The following SPG7 variants were observed in gnomAD, a reference collection of about 807,000 sequenced individuals.
SPG7 encodes SPG7 matrix AAA peptidase subunit, paraplegin, also known as mitochondrial inner membrane m-AAA protease component paraplegin.
SPG7 carries 103 observed loss-of-function variants against 81.9 expected under a neutral mutation model. The ratio of observed to expected loss-of-function variants is 1.26; its 90% CI spans 1.07 to 1.48. The LOEUF (loss-of-function observed/expected upper bound fraction) is 1.48, where lower values mean the gene tolerates loss of function less well. SPG7 is among the 40% of genes most tolerant of loss of function. The pLI, the probability that SPG7 is intolerant of heterozygous loss-of-function variation, is 0.00. For missense variants in SPG7, 1,241 were observed against 1,087.3 expected (o/e 1.14, Z -1.99); for synonymous variants, 534 against 444.2 (o/e 1.20, Z -2.54).
chr16:89,553,217 G>C, intron 14 of SPG7, 82 bp downstream of exon 14: 1 of 1,306,818 alleles, frequency 7.7e-7, no homozygotes, highest in Non-Finnish European at 1.1e-6. Context: ...CATGCCATGG[G>C]GTGAATCTGG....
chr16:89,530,291 C>G, intron 6 of SPG7: 1 of 343,422 alleles, frequency 2.9e-6, no homozygotes, highest in Non-Finnish European at 5.7e-6. Flanking sequence ...ACTACAGGTG[C>G]CTGCCACCAC....
At chr16:89,509,331 A>G (rs544155304) in intron 1 of SPG7, among the ~76,000 whole-genome samples, 4 of 151,224 alleles carry the variant, frequency 2.6e-5, no homozygotes, top group African/African-American at 9.7e-5. Flanking sequence ...GCTCACTGCA[A>G]CCTCCGCCTC....
At chr16:89,549,246 G>C in intron 12 of SPG7, 1 of 457,050 alleles carries the variant, frequency 2.2e-6, no homozygotes. Flanking sequence ...TGACGTACTT[G>C]AGTGCTCAGG....
intron 4 of SPG7, among the ~76,000 whole-genome samples, chr16:89,524,573 A>G (rs1422244364): frequency 6.6e-6 from 1 of 152,142 alleles, no homozygotes; most frequent in African/African-American, 2.4e-5. Flanking sequence ...CCTCCCGGGT[A>G]GCTGGGATTA....
chr16:89,557,386 C>T lies in SPG7; in HGVS notation c.*293C>T. ...TTCCCAGGGTTATAGACAGTCGTTC[C>T]CAGTGTGGCTGAGGCCACCCAGAGG... On this transcript the variant is annotated 3_prime_UTR_variant, in exon 17 of 17. Transcript: ENST00000645818. 2.2e-6 allele frequency: 1 copy of T among 446,770 alleles called. No individual in the cohort carries two copies. The highest frequency in any genetic ancestry group is 4.1e-6 in the Non-Finnish European group (1 of 242,414). The allele number at this position is 446,770 out of a possible 1,614,324, so 27.7% of individuals were successfully genotyped here. A position where few individuals can be genotyped will look rare whatever the true frequency, so the allele number is the denominator to read the frequency against.
At chr16:89,508,929 A>G (rs756338448) in intron 1 of SPG7, 7 of 541,554 alleles carry the variant, frequency 1.3e-5, no homozygotes, top group South Asian at 1.1e-4. Flanking sequence ...GCGTAGCACT[A>G]ATTTACAGTC....
rs143254053 is a variant in SPG7 at position 89,536,823 on chromosome 16, C to T, written c.1324+4187C>T. 3.7e-4 allele frequency: 603 copies of T among 1,614,138 alleles called. 1 individual carries two copies. In the African/African-American group the frequency reaches 4.8e-3, roughly 13 times the overall value. On this transcript the variant is annotated intron_variant, in intron 9 of 16. Coordinates refer to ENST00000645818, the MANE Select transcript of SPG7 (RefSeq NM_003119.4). ...CCATGAGGAAGCTCAGAGGAAAGAC[C>T]CCCGCCTGCTCCTGTCTCACGGAGC...
intron 9 of SPG7, among the ~76,000 whole-genome samples, chr16:89,535,851 G>T (rs1443869326): frequency 1.3e-5 from 2 of 150,996 alleles, no homozygotes; most frequent in African/African-American, 4.9e-5. Flanking sequence ...CTTCAGTGTG[G>T]CCTCTCTGGT....
rs2152403520 is a variant in SPG7, at chr16:89,532,041, C to T, written c.1125C>T (p.Gly375=). Reference sequence around the variant, plus strand: ...AGGTGCCCTTCCTGGCGATGGCCGGCCCAGAGTTCGTGGAGGTCATTGGAG... The same window carrying T: ...AGGTGCCCTTCCTGGCGATGGCCGGTCCAGAGTTCGTGGAGGTCATTGGAG... ...EAQVPFLAMA[G]PEFVEVIGGL... Residue 375 remains glycine, a synonymous_variant, in exon 8 of 17, where the codon GGC becomes GGT. Transcript: ENST00000645818. 2 of 1,613,114 alleles carry T rather than the reference C, an allele frequency of 1.2e-6. No homozygotes were observed. Among genetic ancestry groups the T allele is most frequent in the East Asian group, 2.2e-5 (1 of 44,876 alleles).
At position 89,531,897 on chromosome 16, in the gene SPG7, C is replaced by A. The variant is rs745714363; in HGVS notation, c.988-7C>A. ...TAGTTAGTGTTGCATTGTCTGCTGC[C>A]GTCCAGAGCCCAGAACGCTTCCTCC... On this transcript the variant is annotated splice_region_variant and splice_polypyrimidine_tract_variant and intron_variant, in intron 7 of 16. Coordinates refer to ENST00000645818, the MANE Select transcript of SPG7 (RefSeq NM_003119.4). 1 of 1,613,850 alleles carries A rather than the reference C, an allele frequency of 6.2e-7. No homozygotes were observed. Among genetic ancestry groups the A allele is most frequent in the Non-Finnish European group, 8.5e-7 (1 of 1,179,922 alleles).
Position 89,553,874 on chromosome 16 carries a change from C to T in SPG7, c.2017C>T (p.Pro673Ser), listed in dbSNP as rs757758913. The change falls in exon 15 of 17, where the codon CCC becomes TCC. Residue 673 changes from proline to serine, a missense_variant. Physicochemically the swap from Pro to Ser is moderately conservative, Grantham distance 74. Coordinates refer to ENST00000645818, the MANE Select transcript of SPG7 (RefSeq NM_003119.4). ...KQFGMAPGIGPISFPEAQEGL... is the reference protein window; with the variant it reads ...KQFGMAPGIGSISFPEAQEGL... The stretch of plus-strand genomic sequence containing the variant: ...GTTTGGGATGGCACCTGGCATCGGG[C>T]CCATCTCCTTCCCTGAGGCGCAGGA... 14 of 1,613,320 alleles carry T rather than the reference C, an allele frequency of 8.7e-6. No individual in the cohort carries two copies. The South Asian group carries it at 1.2e-4, about 14-fold the overall frequency.
intron 9 of SPG7, chr16:89,536,640 G>A (rs2058427836): frequency 2.6e-6 from 3 of 1,160,736 alleles, no homozygotes; most frequent in African/African-American, 1.6e-5. Flanking sequence ...GGTGAGGCGG[G>A]CGAGGTGGGC....
chr16:89,554,281 G>C (rs988626310), intron 15 of SPG7, among the ~76,000 whole-genome samples: 1 of 152,088 alleles, frequency 6.6e-6, no homozygotes, highest in African/African-American at 2.4e-5. Flanking sequence ...GGCAGCTGTG[G>C]GTGGGTGTGG....
chr16:89,556,442 C>T, intron 16 of SPG7: 3 of 310,532 alleles, frequency 9.7e-6, no homozygotes, highest in Non-Finnish European at 1.2e-5. Flanking sequence ...GTCGGTGTCT[C>T]AAGTGTTTTC....
chr16:89,526,491 T>C (rs762424933), intron 5 of SPG7, 23 bp downstream of exon 5: 6 of 1,613,894 alleles, frequency 3.7e-6, no homozygotes, highest in East Asian at 2.2e-5. Flanking sequence ...TATTTGTTGA[T>C]GCTTGAACTA....
At chr16:89,531,076 A>G (rs2058335345) in intron 7 of SPG7, 1 of 558,752 alleles carries the variant, frequency 1.8e-6, no homozygotes. Context: ...ATCCCTTGCA[A>G]AGCTCTGTGC....
At chr16:89,550,661 G>A (rs779984325) in intron 13 of SPG7, 52 bp downstream of exon 13, 1 of 1,245,700 alleles carries the variant, frequency 8.0e-7, no homozygotes, top group Non-Finnish European at 1.2e-6. Context: ...GGTGGGTGGG[G>A]AGTCCCGCCT....
chr16:89,552,805 G>C (rs1449999175), intron 13 of SPG7, 174 bp from the exon 14 acceptor site: 5 of 667,378 alleles, frequency 7.5e-6, no homozygotes. Flanking sequence ...GAACGCTGCT[G>C]TCTCTGGGCT....
chr16:89,549,058 C>G (rs143316463), intron 12 of SPG7: 2 of 456,222 alleles, frequency 4.4e-6, no homozygotes, highest in Non-Finnish European at 8.8e-6. Context: ...CACTGCAAAA[C>G]ACACCTGGCT....
Sources: allele counts gnomAD v4.1 joint callset (sites outside exome capture counted in the v4.1 genomes callset), GRCh38; gene constraint gnomAD v4.1.1; transcripts MANE v1.5; gene names NCBI Gene and HGNC (gene_info 2026-07-23, HGNC 2026-07-21).